ATG5: variants seen among roughly 807,000 people sequenced by gnomAD.
The protein encoded by ATG5 is autophagy related 5.
A neutral mutation model predicts 36.5 loss-of-function variants in ATG5; 14 were observed. That is an observed-to-expected ratio of 0.38 (90% CI 0.25 to 0.60). The LOEUF (loss-of-function observed/expected upper bound fraction) is 0.60. ATG5 is among the 20% of genes least tolerant of loss of function. The pLI is 0.60. For synonymous variants in ATG5, 95 were observed against 101.5 expected, an observed-to-expected ratio of 0.94 and a Z score of 0.38; for missense variants, 195 against 326.7, an observed-to-expected ratio of 0.60 and a Z score of 3.11.
At chr6:106,290,224 ATATTT>A (rs1186262819) in intron 4 of ATG5, among the ~76,000 whole-genome samples, 2 of 147,094 alleles carry the variant, frequency 1.4e-5, no homozygotes, top group East Asian at 2.0e-4. Flanking sequence ...TTTATTTTAT[ATATTT>A]TATTTTATTT....
At chr6:106,321,851 CCTT>C (rs1369579054) in intron 1 of ATG5, among the ~76,000 whole-genome samples, 1 of 152,136 alleles carries the variant, frequency 6.6e-6, no homozygotes, top group Non-Finnish European at 1.5e-5. Context: ...GTCATAAGTA[CCTT>C]CTTATCACCA....
intron 6 of ATG5, among the ~76,000 whole-genome samples, chr6:106,242,942 C>T (rs1162979028): frequency 6.6e-6 from 1 of 152,120 alleles, no homozygotes; most frequent in African/African-American, 2.4e-5. Flanking sequence ...CAAACATGGC[C>T]ATAATTTGCC....
chr6:106,305,564 T>C (rs1391348838), intron 3 of ATG5, among the ~76,000 whole-genome samples: 1 of 152,256 alleles, frequency 6.6e-6, no homozygotes, highest in Non-Finnish European at 1.5e-5. Context: ...CCCTCACTTA[T>C]GAGTTGTCTC....
At chr6:106,193,144 T>C (rs977885188) in intron 7 of ATG5, among the ~76,000 whole-genome samples, 2 of 152,158 alleles carry the variant, frequency 1.3e-5, no homozygotes, top group South Asian at 2.1e-4. Context: ...AAAATGAACA[T>C]ATACAAGCTT....
At chr6:106,322,764 T>C (rs944232534) in intron 1 of ATG5, among the ~76,000 whole-genome samples, 1 of 152,206 alleles carries the variant, frequency 6.6e-6, no homozygotes, top group Non-Finnish European at 1.5e-5. Flanking sequence ...ATAACACTTA[T>C]ACATTTACAC....
intron 6 of ATG5, among the ~76,000 whole-genome samples, chr6:106,226,349 T>A (rs2114445380): frequency 6.6e-6 from 1 of 152,158 alleles, no homozygotes; most frequent in Non-Finnish European, 1.5e-5. Flanking sequence ...GTTTCCAGAG[T>A]TATTCTGTTA....
intron 6 of ATG5, among the ~76,000 whole-genome samples, chr6:106,208,490 T>G (rs1776725204): frequency 6.6e-6 from 1 of 152,200 alleles, no homozygotes; most frequent in South Asian, 2.1e-4. Flanking sequence ...TTCAGTTGTT[T>G]GTAAGCTAAA....
In ATG5 at chr6:106,296,549, G is replaced by A. The variant is rs1769947379; in HGVS notation, c.237-3443C>T. On this transcript the variant is annotated intron_variant, in intron 3 of 7. Transcript: ENST00000369076. ...AATAAGCATGCAGGCTGGGCGTGGTGGCTCACGCCTGTAATCCCAGCACTT... is the reference window on the plus strand; with the variant it reads ...AATAAGCATGCAGGCTGGGCGTGGTAGCTCACGCCTGTAATCCCAGCACTT... Among the ~76,000 whole-genome samples the A allele has an allele frequency of 1.3e-5, 2 of 152,162 alleles. 1 individual carries two copies. The highest frequency in any genetic ancestry group is 3.8e-4 in the East Asian group (2 of 5,200).
chr6:106,230,772 C>G (rs1777653882), intron 6 of ATG5, among the ~76,000 whole-genome samples: 1 of 152,058 alleles, frequency 6.6e-6, no homozygotes, highest in African/African-American at 2.4e-5. Flanking sequence ...TGCAGTACCG[C>G]CTGGCAACGA....
At chr6:106,308,181 C>G (rs563382177) in intron 3 of ATG5, among the ~76,000 whole-genome samples, 183 bp downstream of exon 3, 1 of 152,142 alleles carries the variant, frequency 6.6e-6, no homozygotes, top group Non-Finnish European at 1.5e-5. Flanking sequence ...TCCATGCATC[C>G]AAACAGAAGG....
At chr6:106,237,716 T>C (rs144379560) in intron 6 of ATG5, among the ~76,000 whole-genome samples, 4 of 152,332 alleles carry the variant, frequency 2.6e-5, no homozygotes, top group Non-Finnish European at 4.4e-5. Flanking sequence ...CAGTCCCGAA[T>C]TCCATAAAAT....
chr6:106,258,188 G>T (rs1194410275), intron 5 of ATG5, among the ~76,000 whole-genome samples: 1 of 122,300 alleles, frequency 8.2e-6, no homozygotes, highest in South Asian at 2.8e-4. Context: ...ATACAACATA[G>T]GTAGATCCCG....
At chr6:106,252,478 ATTTTT>A in intron 5 of ATG5, among the ~76,000 whole-genome samples, 1 of 149,756 alleles carries the variant, frequency 6.7e-6, no homozygotes, top group South Asian at 2.1e-4. Context: ...AAAAAATGTT[ATTTTT>A]TTTTTAATTT....
At chr6:106,268,893 A>G (rs978383434) in intron 5 of ATG5, among the ~76,000 whole-genome samples, 1 of 151,876 alleles carries the variant, frequency 6.6e-6, no homozygotes, top group Non-Finnish European at 1.5e-5. Flanking sequence ...GTTGGGGGCA[A>G]GCAGAGGGGG....
At chr6:106,231,610 T>G (rs1777695401) in intron 6 of ATG5, among the ~76,000 whole-genome samples, 1 of 152,100 alleles carries the variant, frequency 6.6e-6, no homozygotes. Flanking sequence ...CTTTCTGGAG[T>G]GACTAACGGA....
chr6:106,306,240 G>T (rs1457381854), intron 3 of ATG5, among the ~76,000 whole-genome samples: 1 of 152,130 alleles, frequency 6.6e-6, no homozygotes. Flanking sequence ...GTGACAAGGA[G>T]AAATGGGTCC....
chr6:106,292,671 C>G (rs1157137416), intron 4 of ATG5, among the ~76,000 whole-genome samples: 1 of 152,112 alleles, frequency 6.6e-6, no homozygotes, highest in African/African-American at 2.4e-5. Context: ...TTTATAGAGG[C>G]AGGGTCTCAC....
chr6:106,263,960 C>T (rs916641291), intron 5 of ATG5, among the ~76,000 whole-genome samples: 4 of 151,146 alleles, frequency 2.6e-5, no homozygotes, highest in African/African-American at 9.7e-5. Context: ...CAATTCCTCT[C>T]CAGCAAGGGC....
At chr6:106,305,840 T>C (rs1269834058) in intron 3 of ATG5, among the ~76,000 whole-genome samples, 2 of 152,190 alleles carry the variant, frequency 1.3e-5, no homozygotes. Context: ...GAAGATACAT[T>C]TTTTAACATG....
Sources: gnomAD v4.1 joint callset for allele counts (sites outside exome capture counted in the v4.1 genomes callset) on GRCh38, gnomAD v4.1.1 for gene constraint, MANE v1.5 for transcripts, NCBI Gene and HGNC (gene_info 2026-07-23, HGNC 2026-07-21) for gene names.